IMPG1: variants seen among roughly 807,000 people sequenced by gnomAD.
IMPG1 encodes interphotoreceptor matrix proteoglycan of 150 kDa.
IMPG1 carries 85 observed loss-of-function variants against 92.0 expected under a neutral mutation model. That is an observed-to-expected ratio of 0.92 (90% CI 0.78 to 1.11). The LOEUF (loss-of-function observed/expected upper bound fraction) is 1.11, where lower values mean the gene tolerates loss of function less well. Ranked by LOEUF, IMPG1 falls within the 50% of genes least tolerant of loss-of-function variation. The pLI is 0.00. For synonymous variants in IMPG1, 367 were observed against 334.1 expected (o/e 1.10, Z -1.08); for missense variants, 1,022 against 956.0 (o/e 1.07, Z -0.91).
At chr6:75,947,204 T>C (rs1366615470) in intron 14 of IMPG1, 110 bp downstream of exon 14, 5 of 781,504 alleles carry the variant, frequency 6.4e-6, no homozygotes. Context: ...TCTGGTATCA[T>C]TTCAGTTTGA....
intron 12 of IMPG1, among the ~76,000 whole-genome samples, chr6:75,971,131 T>C (rs1349406265): frequency 2.6e-5 from 4 of 152,064 alleles, no homozygotes; most frequent in African/African-American, 9.7e-5. Flanking sequence ...TGGAATACTA[T>C]GCAGCCATAA....
intron 1 of IMPG1, among the ~76,000 whole-genome samples, chr6:76,070,371 T>C (rs1470799163): frequency 6.6e-6 from 1 of 152,012 alleles, no homozygotes; most frequent in East Asian, 1.9e-4. Context: ...TTGGCAGAAA[T>C]GGAAATTAGT....
chr6:76,033,669 T>G (rs1783688268), intron 4 of IMPG1, among the ~76,000 whole-genome samples: 1 of 152,238 alleles, frequency 6.6e-6, no homozygotes, highest in South Asian at 2.1e-4. Flanking sequence ...GTAATTCATA[T>G]GGCCAAATTT....
intron 1 of IMPG1, among the ~76,000 whole-genome samples, chr6:76,062,072 G>C (rs1039369881): frequency 1.3e-5 from 2 of 152,086 alleles, no homozygotes; most frequent in Non-Finnish European, 2.9e-5. Flanking sequence ...TTGGGTATAT[G>C]GTAAGCATTC....
chr6:76,064,336 T>G (rs1408641398), intron 1 of IMPG1, among the ~76,000 whole-genome samples: 1 of 151,618 alleles, frequency 6.6e-6, no homozygotes, highest in Non-Finnish European at 1.5e-5. Flanking sequence ...CACAGACATT[T>G]TAGTGGAGAG....
At position 76,005,306 on chromosome 6, in the gene IMPG1, C is replaced by T. The variant is rs2149477609; in HGVS notation, c.1116G>A (p.Gly372=). ...ACTGACCATCAGTGAACTGAATTGT[C>T]CCCACATCCAAAGATTGTTCTTCCT... ...ALEEEQSLDV[G]TIQFTDEIAG... Residue 372 remains glycine, a synonymous_variant, in exon 10 of 17, where the codon GGG becomes GGA. Coordinates refer to ENST00000369950, the MANE Select transcript of IMPG1 (RefSeq NM_001563.4). 3 of 1,613,954 alleles carry T rather than the reference C, an allele frequency of 1.9e-6. No individual in the cohort carries two copies. The highest frequency in any genetic ancestry group is 1.7e-4 in the Middle Eastern group (1 of 6,056).
At chr6:75,932,174 A>G (rs1781678107) in intron 14 of IMPG1, among the ~76,000 whole-genome samples, 1 of 152,260 alleles carries the variant, frequency 6.6e-6, no homozygotes, top group Admixed American at 6.5e-5. Flanking sequence ...AGATAATGCT[A>G]TACAGTCCTC....
intron 12 of IMPG1, among the ~76,000 whole-genome samples, chr6:75,987,727 C>G (rs1342534080): frequency 6.6e-6 from 1 of 151,346 alleles, no homozygotes; most frequent in Non-Finnish European, 1.5e-5. Context: ...TCACTGCAAA[C>G]TCCGCCTCCC....
In IMPG1 at chr6:76,018,730, C is replaced by A; in HGVS notation, c.795G>T (p.Lys265Asn). 2 of 1,613,128 alleles carry A rather than the reference C, an allele frequency of 1.2e-6. No homozygotes were observed. Among genetic ancestry groups the A allele is most frequent in the Non-Finnish European group, 1.7e-6 (2 of 1,179,586 alleles). ...QSPYYQELAG[K>N]SQLQMQKIFK... ...CGGGTCTACTCACCTGAAGTTGGGA[C>A]TTTCCTGCTAGCTCCTGGTAATATG... Residue 265 changes from lysine to asparagine, a missense_variant, in exon 7 of 17, where the codon AAG (lysine) becomes AAT (asparagine). By Grantham distance (94) the Lys-to-Asn change is moderately conservative (BLOSUM62 0). Around this residue, in one of 3 missense-constraint regions of IMPG1, gnomAD observed 681 missense variants for 583.6 expected, o/e 1.17. Coordinates refer to ENST00000369950, the MANE Select transcript of IMPG1 (RefSeq NM_001563.4).
At chr6:76,015,955 G>A (rs1783280102) in intron 7 of IMPG1, among the ~76,000 whole-genome samples, 1 of 152,138 alleles carries the variant, frequency 6.6e-6, no homozygotes, top group African/African-American at 2.4e-5. Context: ...AGGCTGCCTG[G>A]GTTGGAATCT....
intron 12 of IMPG1, among the ~76,000 whole-genome samples, chr6:75,982,494 C>T (rs534839882): frequency 6.6e-4 from 100 of 150,856 alleles, no homozygotes; most frequent in African/African-American, 2.2e-3. Flanking sequence ...GAGCTGAGAT[C>T]GTGCCTGGGT....
chr6:76,009,613 T>C (rs1302217467), intron 8 of IMPG1, among the ~76,000 whole-genome samples: 1 of 152,234 alleles, frequency 6.6e-6, no homozygotes, highest in Non-Finnish European at 1.5e-5. Context: ...CATGTCATCA[T>C]GGAAATCACT....
intron 12 of IMPG1, among the ~76,000 whole-genome samples, chr6:75,960,423 A>G (rs1324513729): frequency 2.0e-5 from 3 of 152,236 alleles, no homozygotes; most frequent in Non-Finnish European, 4.4e-5. Flanking sequence ...ACAATTTGCT[A>G]TTTAATTATA....
At chr6:76,002,792 C>G (rs1167418068) in intron 12 of IMPG1, 126 bp downstream of exon 12, 1 of 698,100 alleles carries the variant, frequency 1.4e-6, no homozygotes, top group Non-Finnish European at 2.6e-6. Context: ...GTTGGAAATG[C>G]TGGTGGCAGT....
intron 15 of IMPG1, among the ~76,000 whole-genome samples, chr6:75,929,713 A>T (rs970086063): frequency 4.6e-5 from 7 of 151,658 alleles, no homozygotes; most frequent in Non-Finnish European, 8.8e-5. Context: ...AATAAAATTA[A>T]AAAAAAGAAA....
chr6:75,924,439 TATATA>T (rs1259419851), intron 15 of IMPG1, among the ~76,000 whole-genome samples: 4 of 112,144 alleles, frequency 3.6e-5, no homozygotes, highest in Non-Finnish European at 6.8e-5. Context: ...TTAATATAAT[TATATA>T]ATATAACATA....
At chr6:76,049,035 C>T (rs1266207988) in intron 1 of IMPG1, among the ~76,000 whole-genome samples, 6 of 152,156 alleles carry the variant, frequency 3.9e-5, no homozygotes, top group Non-Finnish European at 8.8e-5. Context: ...GGAATGAATT[C>T]ATGTCCTTTG....
chr6:76,008,423 T>C (rs1783131120), intron 8 of IMPG1, among the ~76,000 whole-genome samples: 1 of 152,210 alleles, frequency 6.6e-6, no homozygotes, highest in African/African-American at 2.4e-5. Context: ...TGTGATGGGA[T>C]TGGGGTTGTT....
At chr6:76,023,407 A>C (rs1008872591) in intron 5 of IMPG1, among the ~76,000 whole-genome samples, 4 of 152,226 alleles carry the variant, frequency 2.6e-5, no homozygotes, top group African/African-American at 9.6e-5. Flanking sequence ...ACCCTAGAAG[A>C]ACAAATTTTT....
Sources: gnomAD v4.1 joint callset for allele counts (sites outside exome capture counted in the v4.1 genomes callset) on GRCh38, gnomAD v4.1.1 for gene constraint, gnomAD v4.1.1 regional missense constraint, MANE v1.5 for transcripts, NCBI Gene and HGNC (gene_info 2026-07-23, HGNC 2026-07-21) for gene names.